The following PTDSS2 variants were observed in gnomAD, a reference collection of about 807,000 sequenced individuals.
PTDSS2 encodes PSS-2.
PTDSS2 carries 41 observed loss-of-function variants against 64.7 expected under a neutral mutation model. That is an observed-to-expected ratio of 0.63 (90% CI 0.49 to 0.82). The LOEUF is 0.82. Ranked by LOEUF, PTDSS2 falls within the 40% of genes least tolerant of loss-of-function variation. PTDSS2 has a pLI of 0.00. For missense variants in PTDSS2, 485 were observed against 650.0 expected, an observed-to-expected ratio of 0.75 and a Z score of 2.76; for synonymous variants, 297 against 277.8, an observed-to-expected ratio of 1.07 and a Z score of -0.69.
At chr11:474,059 G>T in intron 3 of PTDSS2, 82 bp downstream of exon 3, 1 of 1,167,480 alleles carries the variant, frequency 8.6e-7, no homozygotes, top group South Asian at 1.2e-5. Flanking sequence ...TGCTGGGTGT[G>T]AGTGTCCTGT....
At chr11:475,905 A>G (rs1847783150) in intron 3 of PTDSS2, among the ~76,000 whole-genome samples, 1 of 152,192 alleles carries the variant, frequency 6.6e-6, no homozygotes, top group Admixed American at 6.5e-5. Context: ...TAAATATCTG[A>G]TTATTCATTT....
Position 479,341 on chromosome 11 carries a change from C to A in PTDSS2, c.435+189C>A. ...TGTGCGGCCCTTGAGTGATGGGGGG[C>A]AGCAAAGCTAGACCTTCAAAACGTA... is the stretch of plus-strand genomic sequence containing the variant. On this transcript the variant is annotated intron_variant, in intron 4 of 11. Transcript: ENST00000308020. The surrounding 1 kb of genome is among the most constrained non-coding windows in gnomAD (Gnocchi z 4.2). 1 of 633,148 alleles carries A rather than the reference C, an allele frequency of 1.6e-6. No homozygotes were observed. 39.2% of individuals were successfully genotyped at this position (633,148 alleles called of 1,614,324 possible).
intron 4 of PTDSS2, among the ~76,000 whole-genome samples, chr11:484,861 G>A (rs1293522757): frequency 1.4e-5 from 2 of 145,768 alleles, no homozygotes; most frequent in African/African-American, 5.2e-5. Context: ...GGGTGCGTGT[G>A]CTCACTGTGC....
chr11:451,475 G>A (rs1255032705), intron 1 of PTDSS2: 1 of 415,798 alleles, frequency 2.4e-6, no homozygotes, highest in Non-Finnish European at 5.0e-6. Context: ...AGGAGGGTTT[G>A]GCTCTTCTTG....
chr11:467,420 C>A (rs143992143), intron 2 of PTDSS2, among the ~76,000 whole-genome samples: 1 of 152,154 alleles, frequency 6.6e-6, no homozygotes, highest in Non-Finnish European at 1.5e-5. Flanking sequence ...AGGCTAAAGC[C>A]GCTTTAGAAG....
At position 460,163 on chromosome 11, in the gene PTDSS2, T is replaced by C. The variant is rs759890726; in HGVS notation, c.183-24T>C. 4.7e-5 allele frequency: 75 copies of C among 1,595,198 alleles called. No homozygotes were observed. The South Asian group carries it at 6.4e-4, about 14-fold the overall frequency. On this transcript the variant is annotated intron_variant, in intron 1 of 11. Coordinates refer to ENST00000308020, the MANE Select transcript of PTDSS2 (RefSeq NM_030783.3). This position sits in a 1 kb window ranked among gnomAD's most constrained non-coding sequence, Gnocchi z 5.8. ...CAATGCTGCCCAAGCTCTGACACCA[T>C]GCTTATGCGTTTTTGGATTTCAGGC... is the stretch of plus-strand genomic sequence containing the variant.
intron 1 of PTDSS2, among the ~76,000 whole-genome samples, chr11:456,292 C>A (rs567878330): frequency 1.3e-5 from 2 of 151,222 alleles, no homozygotes; most frequent in East Asian, 3.9e-4. Context: ...CCCTCACCCT[C>A]CCTCTTCCCA....
intron 3 of PTDSS2, among the ~76,000 whole-genome samples, chr11:474,918 CAT>C (rs1209266710): frequency 4.9e-5 from 7 of 143,830 alleles, no homozygotes; most frequent in African/African-American, 1.9e-4. Flanking sequence ...CGTGTACGGA[CAT>C]ATTCACGCGT....
chr11:463,962 C>T (rs1337358825), intron 2 of PTDSS2: 3 of 151,832 alleles, frequency 2.0e-5, no homozygotes, highest in African/African-American at 7.3e-5. Context: ...GGTTCCCCAC[C>T]TTAGGGGATG....
chr11:481,275 A>G (rs763860831), intron 4 of PTDSS2, among the ~76,000 whole-genome samples: 14 of 152,096 alleles, frequency 9.2e-5, no homozygotes, highest in African/African-American at 3.1e-4. Context: ...GACATTTGCA[A>G]TTGGGAAGTG....
intron 2 of PTDSS2, among the ~76,000 whole-genome samples, chr11:467,665 G>A (rs947630939): frequency 6.6e-6 from 1 of 151,688 alleles, no homozygotes; most frequent in Non-Finnish European, 1.5e-5. Flanking sequence ...GCCAGGAGGC[G>A]GAGGTTGCAG....
chr11:463,446 T>TA (rs1177126066), intron 2 of PTDSS2: 3 of 139,838 alleles, frequency 2.1e-5, no homozygotes, highest in African/African-American at 7.7e-5. Context: ...AGGTTGGAAT[T>TA]TTTTTTTTTT....
rs79360353 is a variant in PTDSS2, at chr11:491,056, G to A, written c.*474G>A. 1.7e-3 allele frequency: 282 copies of A among 166,406 alleles called. No individual in the cohort carries two copies. Among genetic ancestry groups the A allele is most frequent in the African/African-American group, 6.5e-3 (270 of 41,752 alleles). The allele number at this position is 166,406 out of a possible 1,614,324, so 10.3% of individuals were successfully genotyped here. ...CATCTCGGTACCCTTTCTGCACTCC[G>A]TGGGCCCTGGGTGCGCTGAGGCCTG... On this transcript the variant is annotated 3_prime_UTR_variant, in exon 12 of 12. Coordinates refer to ENST00000308020, the MANE Select transcript of PTDSS2 (RefSeq NM_030783.3).
chr11:460,468 G>A lies in PTDSS2; in HGVS notation c.284+180G>A. ...AGACTCCAGGGCTGCCCTTGGTGCT[G>A]CGTGGCGTTCCCGGTCAGCCCCCGT... On this transcript the variant is annotated intron_variant, in intron 2 of 11. Coordinates refer to ENST00000308020, the MANE Select transcript of PTDSS2 (RefSeq NM_030783.3). This position sits in a 1 kb window ranked among gnomAD's most constrained non-coding sequence, Gnocchi z 5.8. 3.5e-6 allele frequency: 2 copies of A among 578,504 alleles called. No individual in the cohort carries two copies. Among genetic ancestry groups the A allele is most frequent in the East Asian group, 2.9e-5 (1 of 34,868 alleles). 35.8% of individuals were successfully genotyped at this position (578,504 alleles called of 1,614,324 possible).
At chr11:467,320 A>G (rs1847188909) in intron 2 of PTDSS2, among the ~76,000 whole-genome samples, 1 of 152,232 alleles carries the variant, frequency 6.6e-6, no homozygotes, top group Non-Finnish European at 1.5e-5. Flanking sequence ...GGGAGACGCC[A>G]CTGCATACCC....
At chr11:455,431 G>A (rs1242833319) in intron 1 of PTDSS2, among the ~76,000 whole-genome samples, 2 of 152,198 alleles carry the variant, frequency 1.3e-5, no homozygotes, top group Non-Finnish European at 2.9e-5. Flanking sequence ...GCAGAGTCCT[G>A]CTCCCGTGCA....
chr11:475,843 GTTTTA>G (rs1360933763), intron 3 of PTDSS2, among the ~76,000 whole-genome samples: 3 of 152,234 alleles, frequency 2.0e-5, no homozygotes, highest in Admixed American at 6.5e-5. Flanking sequence ...AGAGTTTCCA[GTTTTA>G]TTTTAATAAA....
Position 490,811 on chromosome 11 carries a change from C to CGTGTGTGTACGCGTGCGT in PTDSS2, c.*230_*231insTGTGTGTACGCGTGCGTG. ...ATGCGTGTGTGTACGCGTGTGTACG[C>CGTGTGTGTACGCGTGCGT]GCGTGTGTACACATGCGTGGCCGCC... On this transcript the variant is annotated 3_prime_UTR_variant, in exon 12 of 12. Transcript: ENST00000308020. 2 of 582,022 alleles carry CGTGTGTGTACGCGTGCGT rather than the reference C, an allele frequency of 3.4e-6. No individual in the cohort carries two copies. Among genetic ancestry groups the CGTGTGTGTACGCGTGCGT allele is most frequent in the Non-Finnish European group, 6.1e-6 (2 of 328,832 alleles). The allele number at this position is 582,022 out of a possible 1,614,324, so 36.1% of individuals were successfully genotyped here. A position where few individuals can be genotyped will look rare whatever the true frequency, so the allele number is the denominator to read the frequency against.
rs911250286 is a variant in PTDSS2 at position 466,378 on chromosome 11, C to T, written c.284+6090C>T. 3.3e-5 allele frequency among the ~76,000 whole-genome samples: 5 copies of T among 149,324 alleles called. No homozygotes were observed. In the South Asian group the frequency reaches 8.4e-4, roughly 25 times the overall value. On this transcript the variant is annotated intron_variant, in intron 2 of 11. Coordinates refer to ENST00000308020, the MANE Select transcript of PTDSS2 (RefSeq NM_030783.3). ...CAAAGGCGGCAGGAGAGACTGAGAACGGGCACAGGAAAAACTGCCACTCTT... is the reference window on the plus strand; with the variant it reads ...CAAAGGCGGCAGGAGAGACTGAGAATGGGCACAGGAAAAACTGCCACTCTT...
Sources: allele counts gnomAD v4.1 joint callset (sites outside exome capture counted in the v4.1 genomes callset), GRCh38; gene constraint gnomAD v4.1.1; non-coding constraint Gnocchi (gnomAD v3.1); transcripts MANE v1.5; gene names NCBI Gene and HGNC (gene_info 2026-07-23, HGNC 2026-07-21).